DOCK1: variants seen among roughly 807,000 people sequenced by gnomAD.
The protein encoded by DOCK1 is dedicator of cytokinesis 1, also known as dedicator of cytokinesis protein 1.
A neutral mutation model predicts 262.7 loss-of-function variants in DOCK1; 138 were observed. The ratio of observed to expected loss-of-function variants is 0.53; its 90% confidence interval spans 0.46 to 0.61. The LOEUF (loss-of-function observed/expected upper bound fraction) is 0.61, where lower values mean the gene tolerates loss of function less well. Ranked by LOEUF, DOCK1 falls within the 20% of genes least tolerant of loss-of-function variation. DOCK1 has a pLI of 0.00. For missense variants in DOCK1, 1,908 were observed against 2,370.7 expected (o/e 0.80, Z 4.05); for synonymous variants, 866 against 867.4 (o/e 1.00, Z 0.03).
At chr10:127,189,117 C>T (rs2056534688) in intron 27 of DOCK1, among the ~76,000 whole-genome samples, 1 of 152,190 alleles carries the variant, frequency 6.6e-6, no homozygotes, top group South Asian at 2.1e-4. Flanking sequence ...ACACTGGATG[C>T]AGGACCTACG....
chr10:127,338,260 G>GT (rs1565003671), intron 29 of DOCK1, among the ~76,000 whole-genome samples: 1 of 152,164 alleles, frequency 6.6e-6, no homozygotes, highest in Admixed American at 6.5e-5. Context: ...ACTTTCAAGC[G>GT]TTATAAAACA....
intron 29 of DOCK1, among the ~76,000 whole-genome samples, chr10:127,333,730 C>G (rs1179568254): frequency 2.6e-5 from 4 of 152,190 alleles, no homozygotes; most frequent in Admixed American, 1.3e-4. Flanking sequence ...GGCAGAGCCT[C>G]GCCGGCCACA....
At chr10:127,274,434 A>C (rs552026397) in intron 29 of DOCK1, among the ~76,000 whole-genome samples, 6 of 152,184 alleles carry the variant, frequency 3.9e-5, no homozygotes, top group Non-Finnish European at 7.3e-5. Context: ...TGTTTGGGCC[A>C]CTGTGCAGAG....
intron 27 of DOCK1, among the ~76,000 whole-genome samples, chr10:127,213,950 C>T (rs2058090278): frequency 6.6e-6 from 1 of 152,216 alleles, no homozygotes; most frequent in African/African-American, 2.4e-5. Context: ...CGCCATTCTC[C>T]TGCCTCAGCC....
chr10:127,222,316 TC>T, intron 27 of DOCK1, among the ~76,000 whole-genome samples: 1 of 152,322 alleles, frequency 6.6e-6, no homozygotes, highest in South Asian at 2.1e-4. Flanking sequence ...CACCTTTTCT[TC>T]CTCAGTCTCT....
At chr10:127,234,052 T>C (rs75292606) in intron 27 of DOCK1, among the ~76,000 whole-genome samples, 3,908 of 152,268 alleles carry the variant, frequency 0.026, 138 homozygotes, top group African/African-American at 0.085. Context: ...ACATGATACA[T>C]ACAGTATATT....
intron 29 of DOCK1, among the ~76,000 whole-genome samples, chr10:127,333,880 T>C (rs758973136): frequency 7.9e-5 from 12 of 152,212 alleles, no homozygotes; most frequent in Non-Finnish European, 1.6e-4. Flanking sequence ...CATGTGGTGA[T>C]GCCTCTTCCT....
At chr10:127,020,037 G>A (rs530228323) in intron 13 of DOCK1, among the ~76,000 whole-genome samples, 2 of 152,210 alleles carry the variant, frequency 1.3e-5, no homozygotes, top group African/African-American at 4.8e-5. Flanking sequence ...GGGCTGTTGT[G>A]GGTCATTGAA....
intron 14 of DOCK1, 41 bp downstream of exon 14, chr10:127,023,365 T>C (rs1360435058): frequency 3.1e-6 from 5 of 1,610,378 alleles, no homozygotes. Context: ...TGTTTCAGTT[T>C]TACTTGCCAA....
intron 47 of DOCK1, among the ~76,000 whole-genome samples, chr10:127,430,408 C>T (rs771898487): frequency 2.6e-5 from 4 of 152,170 alleles, no homozygotes; most frequent in Non-Finnish European, 4.4e-5. Flanking sequence ...TTCACCTATT[C>T]CTTGTGCTGG....
rs373437025 is a variant in DOCK1, at chr10:127,148,995, G to C, written c.2847+21231G>C. Reference sequence around the variant, plus strand: ...TGGTACTTGGGGTTTCAGTGGTCTAGGAGGAAGCCCATCAATCCTCTGCCG... The same window carrying C: ...TGGTACTTGGGGTTTCAGTGGTCTACGAGGAAGCCCATCAATCCTCTGCCG... On this transcript the variant is annotated intron_variant, in intron 27 of 51. Transcript: ENST00000623213. 7.2e-5 allele frequency among the ~76,000 whole-genome samples: 11 copies of C among 152,300 alleles called. No homozygotes were observed. In the South Asian group the frequency reaches 2.1e-3, roughly 29 times the overall value.
intron 31 of DOCK1, among the ~76,000 whole-genome samples, chr10:127,350,263 G>A (rs1205657620): frequency 2.0e-5 from 2 of 99,532 alleles, no homozygotes; most frequent in Non-Finnish European, 4.2e-5. Context: ...CAGCGGGGAC[G>A]CTTTAAAAAA....
intron 29 of DOCK1, among the ~76,000 whole-genome samples, chr10:127,260,250 G>C (rs985292948): frequency 2.6e-5 from 4 of 152,204 alleles, no homozygotes; most frequent in Non-Finnish European, 5.9e-5. Context: ...AGAGTCTTTT[G>C]TTTTGAGGAC....
intron 28 of DOCK1, among the ~76,000 whole-genome samples, chr10:127,250,301 G>A (rs1475752629): frequency 2.0e-5 from 3 of 152,216 alleles, no homozygotes; most frequent in Non-Finnish European, 4.4e-5. Context: ...CAAGGTAAGT[G>A]AAAAGCGATG....
intron 27 of DOCK1, among the ~76,000 whole-genome samples, chr10:127,180,122 G>A (rs1338965119): frequency 6.6e-6 from 1 of 152,206 alleles, no homozygotes; most frequent in Non-Finnish European, 1.5e-5. Flanking sequence ...AGTGATCCAT[G>A]ATAAACTTGA....
chr10:127,073,668 T>C (rs148915722), intron 23 of DOCK1, among the ~76,000 whole-genome samples: 91 of 152,344 alleles, frequency 6.0e-4, no homozygotes, highest in African/African-American at 1.9e-3. Flanking sequence ...TAAGGCAATG[T>C]TAATCTTCAG....
At chr10:127,273,472 G>T (rs558728281) in intron 29 of DOCK1, among the ~76,000 whole-genome samples, 1 of 152,202 alleles carries the variant, frequency 6.6e-6, no homozygotes, top group African/African-American at 2.4e-5. Flanking sequence ...GGACTATGGG[G>T]CCAGGCATCT....
At chr10:126,962,357 C>G (rs1275664185) in intron 1 of DOCK1, among the ~76,000 whole-genome samples, 5 of 152,222 alleles carry the variant, frequency 3.3e-5, no homozygotes, top group Admixed American at 2.0e-4. Flanking sequence ...TGGGGTTTCT[C>G]CATGTTGGTC....
intron 39 of DOCK1, 127 bp from the exon 40 acceptor site, chr10:127,404,198 T>C (rs2067380972): frequency 3.0e-6 from 2 of 659,640 alleles, no homozygotes; most frequent in South Asian, 3.8e-5. Context: ...ACCATCTCCC[T>C]CTCCCACCAT....
Sources: gnomAD v4.1 joint callset for allele counts (sites outside exome capture counted in the v4.1 genomes callset) on GRCh38, gnomAD v4.1.1 for gene constraint, MANE v1.5 for transcripts, NCBI Gene and HGNC (gene_info 2026-07-23, HGNC 2026-07-21) for gene names.